The following ADARB2 variants were observed in gnomAD, a reference collection of about 807,000 sequenced individuals.
ADARB2 encodes inactive double-stranded RNA-specific editase B2.
A neutral mutation model predicts 62.2 loss-of-function variants in ADARB2; 25 were observed. The observed-to-expected ratio is 0.40, with a 90% CI of 0.29 to 0.56. The LOEUF (loss-of-function observed/expected upper bound fraction) is 0.56, where lower values mean the gene tolerates loss of function less well. ADARB2 is among the 20% of genes least tolerant of loss of function. The pLI, the probability that ADARB2 is intolerant of heterozygous loss-of-function variation, is 0.43. For synonymous variants in ADARB2, 572 were observed against 500.8 expected (o/e 1.14, Z -1.90); for missense variants, 1,071 against 1,077.4 (o/e 0.99, Z 0.08).
At chr10:1,668,834 T>C (rs947111942) in intron 1 of ADARB2, among the ~76,000 whole-genome samples, 5 of 152,266 alleles carry the variant, frequency 3.3e-5, no homozygotes, top group African/African-American at 1.2e-4. Context: ...GTCCTCCCGT[T>C]GTGCTGCTCA....
chr10:1,242,389 C>A, intron 4 of ADARB2, 90 bp from the exon 5 acceptor site: 1 of 1,425,568 alleles, frequency 7.0e-7, no homozygotes, highest in Non-Finnish European at 9.3e-7. Flanking sequence ...ACAGCGGTTT[C>A]CCTGGGTTAG....
chr10:1,305,799 C>A (rs61832049), intron 3 of ADARB2, among the ~76,000 whole-genome samples: 37 of 152,128 alleles, frequency 2.4e-4, no homozygotes, highest in Non-Finnish European at 3.4e-4. Context: ...CAAAGACAAA[C>A]ACCACATGAT....
chr10:1,184,508 GATATC>G (rs1419918618), intron 9 of ADARB2, among the ~76,000 whole-genome samples: 3 of 152,194 alleles, frequency 2.0e-5, no homozygotes, highest in Non-Finnish European at 1.5e-5. Flanking sequence ...TCGGTTTCCT[GATATC>G]TAAACCGGGA....
intron 6 of ADARB2, among the ~76,000 whole-genome samples, chr10:1,221,561 T>A (rs1830695489): frequency 2.7e-5 from 4 of 150,528 alleles, no homozygotes; most frequent in African/African-American, 7.3e-5. Context: ...ATGCTATCCC[T>A]CCCCCCTCAC....
intron 1 of ADARB2, among the ~76,000 whole-genome samples, chr10:1,492,727 C>T (rs1831638462): frequency 6.6e-6 from 1 of 151,884 alleles, no homozygotes; most frequent in Admixed American, 6.6e-5. Context: ...GCTGGGGGAC[C>T]CCGGCCTTCT....
At chr10:1,484,838 G>A (rs1564304326) in intron 1 of ADARB2, among the ~76,000 whole-genome samples, 3 of 152,164 alleles carry the variant, frequency 2.0e-5, no homozygotes, top group Non-Finnish European at 4.4e-5. Flanking sequence ...AGGTGTGTAT[G>A]TAGGCACCTA....
chr10:1,186,454 T>C (rs1488032805), intron 8 of ADARB2: 1 of 518,404 alleles, frequency 1.9e-6, no homozygotes, highest in East Asian at 5.5e-5. Context: ...CTTGTCCCAT[T>C]GGTGCCTCCT....
At chr10:1,466,354 T>C (rs1054014146) in intron 1 of ADARB2, among the ~76,000 whole-genome samples, 2 of 152,206 alleles carry the variant, frequency 1.3e-5, no homozygotes, top group African/African-American at 2.4e-5. Flanking sequence ...TCCTCCCTCC[T>C]GGCCCCTTGC....
chr10:1,273,767 C>G (rs1018255835), intron 3 of ADARB2, among the ~76,000 whole-genome samples: 1 of 152,208 alleles, frequency 6.6e-6, no homozygotes, highest in African/African-American at 2.4e-5. Flanking sequence ...GTGACATAAG[C>G]AGCCCCACCA....
At position 1,707,329 on chromosome 10, in the gene ADARB2, G is replaced by A. The variant is rs181461815; in HGVS notation, c.100+29722C>T. On this transcript the variant is annotated intron_variant, in intron 1 of 9. Transcript: ENST00000381312. ...GGAGGAATAGAGGGGTGTGTCCCAC[G>A]GGGCTTCAAATCCTCATGCACCCCG... is the stretch of plus-strand genomic sequence containing the variant. Among the ~76,000 whole-genome samples the A allele has an allele frequency of 3.0e-3, 453 of 152,338 alleles. 11 individuals are homozygous for A. Among genetic ancestry groups the A allele is most frequent in the Admixed American group, 0.026 (403 of 15,306 alleles).
At chr10:1,243,463 C>T (rs952877403) in intron 4 of ADARB2, among the ~76,000 whole-genome samples, 2 of 152,222 alleles carry the variant, frequency 1.3e-5, no homozygotes, top group Non-Finnish European at 2.9e-5. Flanking sequence ...TAAATAAAAA[C>T]AGTGCTGGCT....
At chr10:1,670,242 AAGTT>A (rs1834367758) in intron 1 of ADARB2, among the ~76,000 whole-genome samples, 1 of 152,244 alleles carries the variant, frequency 6.6e-6, no homozygotes, top group African/African-American at 2.4e-5. Flanking sequence ...GTGTCATAGT[AAGTT>A]AAAGAGATAG....
intron 1 of ADARB2, among the ~76,000 whole-genome samples, chr10:1,474,673 C>T (rs886667138): frequency 1.3e-5 from 2 of 152,198 alleles, no homozygotes; most frequent in Middle Eastern, 3.2e-3. Context: ...GAGGCAGACC[C>T]AGTTCACCTG....
At chr10:1,612,590 A>C (rs1478257843) in intron 1 of ADARB2, among the ~76,000 whole-genome samples, 1 of 152,248 alleles carries the variant, frequency 6.6e-6, no homozygotes, top group South Asian at 2.1e-4. Context: ...GTTGAAAGTC[A>C]TTAAATAACG....
chr10:1,636,697 T>A (rs1833920521), intron 1 of ADARB2, among the ~76,000 whole-genome samples: 1 of 150,670 alleles, frequency 6.6e-6, no homozygotes, highest in African/African-American at 2.4e-5. Flanking sequence ...TATCTATCTA[T>A]CTACATATAT....
intron 3 of ADARB2, among the ~76,000 whole-genome samples, chr10:1,323,843 T>C (rs1204242026): frequency 2.0e-5 from 3 of 152,104 alleles, no homozygotes; most frequent in Non-Finnish European, 2.9e-5. Context: ...TAGAGCAAGA[T>C]GAAGATATCT....
intron 1 of ADARB2, among the ~76,000 whole-genome samples, chr10:1,590,490 G>A (rs932813415): frequency 1.3e-5 from 2 of 152,164 alleles, no homozygotes; most frequent in African/African-American, 4.8e-5. Context: ...TAAGGCAGCA[G>A]TTCCCCCTCC....
chr10:1,717,742 TAAC>T (rs1835039745), intron 1 of ADARB2, among the ~76,000 whole-genome samples: 2 of 151,930 alleles, frequency 1.3e-5, no homozygotes, highest in Non-Finnish European at 2.9e-5. Flanking sequence ...CACGCTGGAC[TAAC>T]TTTTGTATTT....
intron 8 of ADARB2, 44 bp downstream of exon 8, chr10:1,199,922 G>C: frequency 2.0e-6 from 3 of 1,468,450 alleles, no homozygotes; most frequent in Non-Finnish European, 2.7e-6. Flanking sequence ...GTCTGGCCTG[G>C]TGGTGGGAAG....
Sources: gnomAD v4.1 joint callset for allele counts (sites outside exome capture counted in the v4.1 genomes callset) on GRCh38, gnomAD v4.1.1 for gene constraint, MANE v1.5 for transcripts, NCBI Gene and HGNC (gene_info 2026-07-23, HGNC 2026-07-21) for gene names.